Variants in TOP1 observed in about 807,000 individuals in gnomAD.
TOP1 encodes the protein DNA topoisomerase 1.
TOP1 carries 10 observed loss-of-function variants against 111.1 expected under a neutral mutation model. The ratio of observed to expected loss-of-function variants is 0.09; its 90% CI spans 0.06 to 0.15. TOP1 has a LOEUF of 0.15. Among genes scored for constraint, TOP1 ranks in the 10% least tolerant of loss-of-function variants. TOP1 has a pLI of 1.00. For synonymous variants in TOP1, 271 were observed against 302.9 expected (o/e 0.89, Z 1.10); for missense variants, 474 against 926.7 (o/e 0.51, Z 6.34).
intron 13 of TOP1, among the ~76,000 whole-genome samples, chr20:41,107,731 C>T (rs1258573495): frequency 6.6e-6 from 1 of 152,078 alleles, no homozygotes; most frequent in Non-Finnish European, 1.5e-5. Context: ...GAGCCATTTT[C>T]CTTGTGTCTT....
In TOP1 at chr20:41,110,302, T is replaced by A. The variant is rs1600597939; in HGVS notation, c.1309-2480T>A. Reference sequence around the variant, plus strand: ...CTGTCTCAGAGGGAAAAAAAAAAGTTAAAAAGGCAGACAGAGGAGTCTATA... The same window carrying A: ...CTGTCTCAGAGGGAAAAAAAAAAGTAAAAAAGGCAGACAGAGGAGTCTATA... On this transcript the variant is annotated intron_variant, in intron 13 of 20. Transcript: ENST00000361337. This position sits in a 1 kb window ranked among gnomAD's most constrained non-coding sequence, Gnocchi z 4.2. 6.6e-6 allele frequency among the ~76,000 whole-genome samples: 1 copy of A among 152,056 alleles called. No homozygotes were observed. Among genetic ancestry groups the A allele is most frequent in the East Asian group, 1.9e-4 (1 of 5,184 alleles).
chr20:41,115,243 A>T lies in TOP1; in HGVS notation c.1639-128A>T. On this transcript the variant is annotated intron_variant, in intron 15 of 20. Transcript: ENST00000361337. This position sits in a 1 kb window ranked among gnomAD's most constrained non-coding sequence, Gnocchi z 6.3. ...TGAATGGGGTAAAATGTTAACAGTG[A>T]ATCTCGGTGACGGATGTATGCGTGT... 1 of 621,346 alleles carries T rather than the reference A, an allele frequency of 1.6e-6. No individual in the cohort carries two copies. The highest frequency in any genetic ancestry group is 2.9e-6 in the Non-Finnish European group (1 of 348,664). The allele number at this position is 621,346 out of a possible 1,614,324, so 38.5% of individuals were successfully genotyped here.
Position 41,100,422 on chromosome 20 carries a change from CAG to C in TOP1, c.1163+180_1163+181del, listed in dbSNP as rs558563520. ...AGGTACAGTTGTCTCCCCTCATCCA[CAG>C]GGGATATGTTCCAAGACCCCCAGTG... is the stretch of plus-strand genomic sequence containing the variant. On this transcript the variant is annotated intron_variant, in intron 12 of 20. Coordinates refer to ENST00000361337, the MANE Select transcript of TOP1 (RefSeq NM_003286.4). This position sits in a 1 kb window ranked among gnomAD's most constrained non-coding sequence, Gnocchi z 4.4. Among the ~76,000 whole-genome samples, 283 of 152,310 alleles carry C rather than the reference CAG, an allele frequency of 1.9e-3. 2 individuals carry two copies. Among genetic ancestry groups the C allele is most frequent in the South Asian group, 9.7e-3 (47 of 4,824 alleles).
chr20:41,040,674 C>T (rs981184122), intron 2 of TOP1, among the ~76,000 whole-genome samples: 6 of 151,914 alleles, frequency 3.9e-5, no homozygotes, highest in Non-Finnish European at 2.9e-5. Context: ...GGCCTGGTGG[C>T]GCATGCCTGT....
intron 18 of TOP1, among the ~76,000 whole-genome samples, chr20:41,120,885 G>C (rs1285090125): frequency 6.6e-6 from 1 of 152,150 alleles, no homozygotes; most frequent in Non-Finnish European, 1.5e-5. Flanking sequence ...GGGACTACAG[G>C]CACCCACCAC....
At position 41,069,698 on chromosome 20, in the gene TOP1, C is replaced by G. The variant is rs1338382286; in HGVS notation, c.156-6473C>G. On this transcript the variant is annotated intron_variant, in intron 3 of 20. Coordinates refer to ENST00000361337, the MANE Select transcript of TOP1 (RefSeq NM_003286.4). The surrounding 1 kb of genome is among the most constrained non-coding windows in gnomAD (Gnocchi z 4.1). Reference sequence around the variant, plus strand: ...AATATCATGCAGATAAATTGGAGCTCTTGAGTTTGGTAGTTGAATCTAATT... The same window carrying G: ...AATATCATGCAGATAAATTGGAGCTGTTGAGTTTGGTAGTTGAATCTAATT... 6.6e-6 allele frequency among the ~76,000 whole-genome samples: 1 copy of G among 152,126 alleles called. No individual in the cohort carries two copies. The highest frequency in any genetic ancestry group is 1.5e-5 in the Non-Finnish European group (1 of 68,036).
At chr20:41,059,209 A>G (rs1239411820) in intron 2 of TOP1, among the ~76,000 whole-genome samples, 1 of 152,014 alleles carries the variant, frequency 6.6e-6, no homozygotes, top group Non-Finnish European at 1.5e-5. Context: ...AGGAAACATA[A>G]TTAGTGGGTA....
chr20:41,085,967 G>A (rs963354488), intron 8 of TOP1, among the ~76,000 whole-genome samples: 9 of 152,284 alleles, frequency 5.9e-5, no homozygotes, highest in Admixed American at 3.9e-4. Context: ...AGAGGTCAGA[G>A]TCAGAAAGTA....
At chr20:41,076,641 T>C (rs1437302941) in intron 4 of TOP1, among the ~76,000 whole-genome samples, 1 of 152,242 alleles carries the variant, frequency 6.6e-6, no homozygotes, top group Non-Finnish European at 1.5e-5. Context: ...TTAGTGATGC[T>C]GGTGTCTTTT....
At chr20:41,117,751 T>G in intron 17 of TOP1, among the ~76,000 whole-genome samples, 1 of 151,408 alleles carries the variant, frequency 6.6e-6, no homozygotes, top group African/African-American at 2.4e-5. Flanking sequence ...GGTGGAGAGG[T>G]GGGGAGGTAG....
intron 2 of TOP1, among the ~76,000 whole-genome samples, chr20:41,059,904 C>G (rs2033524672): frequency 6.6e-6 from 1 of 152,090 alleles, no homozygotes; most frequent in African/African-American, 2.4e-5. Flanking sequence ...ATATGAGAGG[C>G]CAACAAGCAC....
At position 41,088,600 on chromosome 20, in the gene TOP1, G is replaced by A. The variant is rs967386778; in HGVS notation, c.615-3872G>A. 4.6e-5 allele frequency among the ~76,000 whole-genome samples: 7 copies of A among 152,176 alleles called. No individual in the cohort carries two copies. In the East Asian group the frequency reaches 1.3e-3, roughly 29 times the overall value. On this transcript the variant is annotated intron_variant, in intron 8 of 20. Transcript: ENST00000361337. ...AGGGTGGCGTTCGGAATCTCCTCAC[G>A]GTTACTCTGTGACTGCTGCAGACAG...
In TOP1 at chr20:41,123,166, T is replaced by TC. The variant is rs562150409; in HGVS notation, c.2196-22dup. The TC allele has an allele frequency of 1.6e-5, 24 of 1,533,720 alleles. No homozygotes were observed. The highest frequency in any genetic ancestry group is 3.4e-5 in the South Asian group (3 of 89,122). Reference sequence around the variant, plus strand: ...ATGGGCCATTGCTGAGTCACCCTAATCCCCCCCTTATTTCTCCTTTGTTTG... The same window carrying TC: ...ATGGGCCATTGCTGAGTCACCCTAATCCCCCCCCTTATTTCTCCTTTGTTTG... On this transcript the variant is annotated intron_variant, in intron 20 of 20. Transcript: ENST00000361337. The surrounding 1 kb of genome is among the most constrained non-coding windows in gnomAD (Gnocchi z 5.8).
Position 41,098,500 on chromosome 20 carries a change from G to A in TOP1, c.975+163G>A, listed in dbSNP as rs2034012960. ...AGTCTAAATTTTCTTAAAGGTTTTA[G>A]TTAGACTGAAAATTGTGAACAAGTA... On this transcript the variant is annotated intron_variant, in intron 11 of 20. Coordinates refer to ENST00000361337, the MANE Select transcript of TOP1 (RefSeq NM_003286.4). The surrounding 1 kb of genome is among the most constrained non-coding windows in gnomAD (Gnocchi z 5.7). 2 of 772,696 alleles carry A rather than the reference G, an allele frequency of 2.6e-6. No individual in the cohort carries two copies. Among genetic ancestry groups the A allele is most frequent in the African/African-American group, 3.6e-5 (2 of 56,170 alleles). 47.9% of individuals were successfully genotyped at this position (772,696 alleles called of 1,614,324 possible). A position where few individuals can be genotyped will look rare whatever the true frequency, so the allele number is the denominator to read the frequency against.
rs766532582 is a variant in TOP1 at position 41,102,620 on chromosome 20, C to G, written c.1308+1267C>G. 1.3e-5 allele frequency among the ~76,000 whole-genome samples: 2 copies of G among 152,114 alleles called. No individual in the cohort carries two copies. Among genetic ancestry groups the G allele is most frequent in the African/African-American group, 4.8e-5 (2 of 41,432 alleles). The stretch of plus-strand genomic sequence containing the variant: ...CTTAGACTCTGTCTCAAATAAATAA[C>G]TAAATACATAAATAAAAATAAAATG... On this transcript the variant is annotated intron_variant, in intron 13 of 20. Coordinates refer to ENST00000361337, the MANE Select transcript of TOP1 (RefSeq NM_003286.4). The surrounding 1 kb of genome is among the most constrained non-coding windows in gnomAD (Gnocchi z 4.0).
rs769913881 is a variant in TOP1, at chr20:41,030,393, A to G, written c.58+938A>G. Reference sequence around the variant, plus strand: ...GAGGAAAAAAAGATTTTATTTATTGAAGCAAAGAGTGTCCAGTACCCACCC... The same window carrying G: ...GAGGAAAAAAAGATTTTATTTATTGGAGCAAAGAGTGTCCAGTACCCACCC... On this transcript the variant is annotated intron_variant, in intron 2 of 20. Transcript: ENST00000361337. The surrounding 1 kb of genome is among the most constrained non-coding windows in gnomAD (Gnocchi z 4.1). Among the ~76,000 whole-genome samples the G allele has an allele frequency of 6.6e-6, 1 of 151,680 alleles. No individual in the cohort carries two copies. Among genetic ancestry groups the G allele is most frequent in the Non-Finnish European group, 1.5e-5 (1 of 68,014 alleles).
At chr20:41,064,600 T>C (rs1005801075) in intron 3 of TOP1, among the ~76,000 whole-genome samples, 2 of 151,916 alleles carry the variant, frequency 1.3e-5, no homozygotes, top group Non-Finnish European at 3.0e-5. Flanking sequence ...GCATGTTTTC[T>C]GATGCCGCTA....
intron 2 of TOP1, among the ~76,000 whole-genome samples, chr20:41,033,623 C>T (rs2033149369): frequency 6.6e-6 from 1 of 152,040 alleles, no homozygotes; most frequent in Non-Finnish European, 1.5e-5. Context: ...GTCCCTGCTG[C>T]TAATGGTATG....
intron 2 of TOP1, among the ~76,000 whole-genome samples, chr20:41,038,541 A>G (rs1363678962): frequency 6.6e-6 from 1 of 152,196 alleles, no homozygotes; most frequent in African/African-American, 2.4e-5. Flanking sequence ...ACTAGGGAGC[A>G]TTGAGTATGA....
Sources: gnomAD v4.1 joint callset for allele counts (sites outside exome capture counted in the v4.1 genomes callset) on GRCh38, gnomAD v4.1.1 for gene constraint, Gnocchi (gnomAD v3.1) non-coding constraint, MANE v1.5 for transcripts, NCBI Gene and HGNC (gene_info 2026-07-23, HGNC 2026-07-21) for gene names.